Variants in ISCA1 observed in about 807,000 individuals in gnomAD.
ISCA1 encodes iron-sulfur cluster assembly 1, also known as iron-sulfur cluster assembly 1 homolog, mitochondrial.
In ISCA1, 9 loss-of-function variants were observed where a neutral mutation model predicts 14.7. That is an observed-to-expected ratio of 0.61 (90% confidence interval 0.37 to 1.07). The LOEUF (loss-of-function observed/expected upper bound fraction) is 1.07. ISCA1 is among the 50% of genes least tolerant of loss of function. The pLI is 0.01. For missense variants in ISCA1, 102 were observed against 150.1 expected (o/e 0.68, Z 1.67); for synonymous variants, 38 against 54.3 (o/e 0.70, Z 1.32).
chr9:86,272,403 T>C (rs1045891143), intron 2 of ISCA1, among the ~76,000 whole-genome samples: 1 of 152,212 alleles, frequency 6.6e-6, no homozygotes, highest in African/African-American at 2.4e-5. Context: ...CCTCTGAATG[T>C]TTCCTTATGG....
intron 3 of ISCA1, 95 bp from the exon 4 acceptor site, chr9:86,266,286 T>A: frequency 6.7e-7 from 1 of 1,491,700 alleles, no homozygotes; most frequent in Non-Finnish European, 8.9e-7. Context: ...TGACTATCAA[T>A]GAAAGTCAAA....
chr9:86,267,954 T>G (rs931923087), intron 3 of ISCA1: 2 of 152,180 alleles, frequency 1.3e-5, no homozygotes. Flanking sequence ...GTGATGCTGG[T>G]GTAAACAAAC....
intron 1 of ISCA1, among the ~76,000 whole-genome samples, chr9:86,276,757 G>A (rs1258827614): frequency 1.3e-5 from 2 of 150,242 alleles, no homozygotes; most frequent in Non-Finnish European, 3.0e-5. Flanking sequence ...TGTAATCCCA[G>A]CTACTCCGGA....
At chr9:86,273,158 G>A (rs1825393906) in intron 2 of ISCA1, among the ~76,000 whole-genome samples, 1 of 152,238 alleles carries the variant, frequency 6.6e-6, no homozygotes. Context: ...AGGTAGGTTT[G>A]AGAACTTCCA....
chr9:86,271,083 AAAGTAT>A (rs1825363153), intron 3 of ISCA1, among the ~76,000 whole-genome samples: 1 of 149,864 alleles, frequency 6.7e-6, no homozygotes, highest in Non-Finnish European at 1.5e-5. Flanking sequence ...CCTAAAACTT[AAAGTAT>A]AATAATAATA....
At chr9:86,280,604 A>G (rs1825498959) in intron 1 of ISCA1, among the ~76,000 whole-genome samples, 2 of 151,246 alleles carry the variant, frequency 1.3e-5, no homozygotes, top group Non-Finnish European at 3.0e-5. Context: ...CAAAAAAAAA[A>G]AAAAAAAAAA....
chr9:86,266,682 C>T (rs1825296334), intron 3 of ISCA1, among the ~76,000 whole-genome samples: 1 of 151,970 alleles, frequency 6.6e-6, no homozygotes, highest in Non-Finnish European at 1.5e-5. Context: ...AAAACAGGTA[C>T]TATTCCCTAG....
intron 1 of ISCA1, among the ~76,000 whole-genome samples, chr9:86,276,586 T>C (rs1458118971): frequency 2.0e-5 from 3 of 152,186 alleles, no homozygotes; most frequent in Non-Finnish European, 4.4e-5. Context: ...CTCATGCCTA[T>C]ATTCCCAACA....
intron 2 of ISCA1, among the ~76,000 whole-genome samples, chr9:86,272,496 C>T (rs1825383090): frequency 6.6e-6 from 1 of 152,212 alleles, no homozygotes; most frequent in African/African-American, 2.4e-5. Flanking sequence ...GACTTGTGTA[C>T]AGTCTCAAAT....
chr9:86,274,396 A>G (rs1324004249), intron 1 of ISCA1, among the ~76,000 whole-genome samples, 154 bp from the exon 2 acceptor site: 1 of 152,216 alleles, frequency 6.6e-6, no homozygotes, highest in Non-Finnish European at 1.5e-5. Flanking sequence ...AGAAACACAT[A>G]AACTATACCT....
chr9:86,276,759 T>C (rs1345676510), intron 1 of ISCA1, among the ~76,000 whole-genome samples: 1 of 149,982 alleles, frequency 6.7e-6, no homozygotes, highest in Non-Finnish European at 1.5e-5. Context: ...TAATCCCAGC[T>C]ACTCCGGAGG....
At chr9:86,280,876 C>T (rs979155014) in intron 1 of ISCA1, among the ~76,000 whole-genome samples, 5 of 151,674 alleles carry the variant, frequency 3.3e-5, no homozygotes, top group African/African-American at 4.8e-5. Flanking sequence ...TGCAGTGTGC[C>T]ATGATTGCAC....
chr9:86,281,827 C>A (rs771629593), intron 1 of ISCA1: 2 of 153,882 alleles, frequency 1.3e-5, no homozygotes, highest in African/African-American at 4.8e-5. Context: ...CCCAGGACAC[C>A]GGCAAGTAAC....
intron 1 of ISCA1, 83 bp downstream of exon 1, chr9:86,282,295 C>T: frequency 7.0e-7 from 1 of 1,422,958 alleles, no homozygotes; most frequent in Non-Finnish European, 9.4e-7. Context: ...CCTGCGGCCC[C>T]ACTCCCGGCC....
At chr9:86,271,920 A>T in intron 3 of ISCA1, 87 bp downstream of exon 3, 1 of 723,344 alleles carries the variant, frequency 1.4e-6, no homozygotes, top group Non-Finnish European at 2.4e-6. Flanking sequence ...AATTCCTGCT[A>T]CTATCCTTAT....
intron 3 of ISCA1, among the ~76,000 whole-genome samples, chr9:86,268,105 T>C (rs1443974578): frequency 6.6e-6 from 1 of 152,090 alleles, no homozygotes; most frequent in African/African-American, 2.4e-5. Flanking sequence ...AGTGTACTTC[T>C]ACTTATAAAA....
rs1472559281 is a variant in ISCA1, at chr9:86,264,568, CATT to C, written c.*1472_*1474del. 2 of 152,336 alleles carry C rather than the reference CATT, an allele frequency of 1.3e-5. No individual in the cohort carries two copies. Among genetic ancestry groups the C allele is most frequent in the African/African-American group, 4.8e-5 (2 of 41,270 alleles). 9.4% of individuals were successfully genotyped at this position (152,336 alleles called of 1,614,324 possible). On this transcript the variant is annotated 3_prime_UTR_variant, in exon 4 of 4. Coordinates refer to ENST00000375991, the MANE Select transcript of ISCA1 (RefSeq NM_030940.4). ...CAATTTTATGATCACAAAGAGGCCA[CATT>C]TTTTTTAATTGACAACTCAATCTCT... is the stretch of plus-strand genomic sequence containing the variant.
intron 1 of ISCA1, among the ~76,000 whole-genome samples, chr9:86,281,375 C>T (rs1466867902): frequency 6.6e-6 from 1 of 152,148 alleles, no homozygotes; most frequent in Non-Finnish European, 1.5e-5. Flanking sequence ...GCATTAGATG[C>T]AACAGAATCG....
At chr9:86,271,042 T>C (rs1321355385) in intron 3 of ISCA1, among the ~76,000 whole-genome samples, 1 of 151,418 alleles carries the variant, frequency 6.6e-6, no homozygotes, top group African/African-American at 2.4e-5. Context: ...TGTATACATA[T>C]GTAACTAAGC....
Sources: allele counts gnomAD v4.1 joint callset (sites outside exome capture counted in the v4.1 genomes callset), GRCh38; gene constraint gnomAD v4.1.1; transcripts MANE v1.5; gene names NCBI Gene and HGNC (gene_info 2026-07-23, HGNC 2026-07-21).